PTPRD: variants seen among roughly 807,000 people sequenced by gnomAD.
The protein encoded by PTPRD is protein tyrosine phosphatase receptor type D.
In PTPRD, 34 loss-of-function variants were observed where a neutral mutation model predicts 214.5. That is an observed-to-expected ratio of 0.16 (90% CI 0.12 to 0.21). The LOEUF (loss-of-function observed/expected upper bound fraction) is 0.21, where lower values mean the gene tolerates loss of function less well. Ranked by LOEUF, PTPRD falls within the 10% of genes least tolerant of loss-of-function variation. The pLI is 1.00. For missense variants in PTPRD, 2,545 were observed against 2,398.7 expected (o/e 1.06, Z -1.27); for synonymous variants, 1,128 against 845.7 (o/e 1.33, Z -5.79).
intron 39 of PTPRD, among the ~76,000 whole-genome samples, chr9:8,363,692 C>A (rs948958934): frequency 2.6e-5 from 4 of 152,150 alleles, no homozygotes; most frequent in African/African-American, 9.7e-5. Flanking sequence ...TGCAGGCTGA[C>A]CAATGTCCTA....
intron 5 of PTPRD, among the ~76,000 whole-genome samples, chr9:9,849,513 A>G (rs1317292739): frequency 6.6e-6 from 1 of 152,080 alleles, no homozygotes; most frequent in Non-Finnish European, 1.5e-5. Flanking sequence ...TGGTGATGCT[A>G]TTGTCCATTC....
intron 5 of PTPRD, among the ~76,000 whole-genome samples, chr9:9,889,636 T>C (rs2072457949): frequency 6.6e-6 from 1 of 152,140 alleles, no homozygotes; most frequent in Non-Finnish European, 1.5e-5. Flanking sequence ...TTGCCTGTTC[T>C]GTGACAAAGT....
intron 9 of PTPRD, among the ~76,000 whole-genome samples, chr9:9,250,614 C>T (rs994357101): frequency 3.3e-5 from 5 of 152,062 alleles, no homozygotes; most frequent in African/African-American, 1.2e-4. Context: ...CTCATATGCA[C>T]TAAACTGATA....
intron 10 of PTPRD, among the ~76,000 whole-genome samples, chr9:9,115,203 G>A (rs1033135422): frequency 1.3e-5 from 2 of 152,176 alleles, no homozygotes; most frequent in African/African-American, 4.8e-5. Context: ...GAAGCCTACA[G>A]GGCAGGGAAG....
intron 3 of PTPRD, among the ~76,000 whole-genome samples, chr9:10,313,979 G>T (rs543564348): frequency 1.3e-5 from 2 of 152,026 alleles, no homozygotes; most frequent in South Asian, 4.1e-4. Context: ...GGAGGTAGTG[G>T]TCTTTAAGCT....
chr9:9,234,858 C>G (rs1335487706), intron 9 of PTPRD, among the ~76,000 whole-genome samples: 5 of 152,190 alleles, frequency 3.3e-5, no homozygotes, highest in Admixed American at 6.5e-5. Context: ...TCCAGACTTT[C>G]CTACATCTTC....
Position 8,582,129 on chromosome 9 carries a change from G to A in PTPRD, c.352+51188C>T, listed in dbSNP as rs573294397. On this transcript the variant is annotated intron_variant, in intron 14 of 45. Coordinates refer to ENST00000381196, the MANE Select transcript of PTPRD (RefSeq NM_002839.4). Reference sequence around the variant, plus strand: ...AAATCAGAAAAAAGCTCGGACATAAGTAGGGAAATCTGCTATGAGACAGAG... The same window carrying A: ...AAATCAGAAAAAAGCTCGGACATAAATAGGGAAATCTGCTATGAGACAGAG... 1.1e-4 allele frequency among the ~76,000 whole-genome samples: 16 copies of A among 152,248 alleles called. No homozygotes were observed. In the South Asian group the frequency reaches 1.7e-3, roughly 16 times the overall value.
intron 12 of PTPRD, among the ~76,000 whole-genome samples, chr9:8,720,426 AT>A (rs1205753014): frequency 6.6e-6 from 1 of 152,232 alleles, no homozygotes; most frequent in Non-Finnish European, 1.5e-5. Flanking sequence ...ACTAACCCAC[AT>A]TCAAGGAGTG....
chr9:9,887,091 T>C (rs1311465254), intron 5 of PTPRD, among the ~76,000 whole-genome samples: 1 of 152,096 alleles, frequency 6.6e-6, no homozygotes, highest in Non-Finnish European at 1.5e-5. Context: ...AAGTCCCTTC[T>C]CCCATACCTT....
At chr9:8,905,993 T>G (rs908435150) in intron 11 of PTPRD, among the ~76,000 whole-genome samples, 2 of 152,214 alleles carry the variant, frequency 1.3e-5, no homozygotes, top group African/African-American at 4.8e-5. Flanking sequence ...TAGTCTTAAG[T>G]GAGCATAGTT....
chr9:9,685,806 T>C (rs946132518), intron 7 of PTPRD, among the ~76,000 whole-genome samples: 3 of 151,430 alleles, frequency 2.0e-5, no homozygotes, highest in South Asian at 2.1e-4. Flanking sequence ...AAATATTCTA[T>C]TTCTTTTTTA....
chr9:9,175,021 C>G (rs1477682286), intron 10 of PTPRD, among the ~76,000 whole-genome samples: 2 of 152,156 alleles, frequency 1.3e-5, no homozygotes, highest in East Asian at 3.9e-4. Flanking sequence ...CCCCTTTCCA[C>G]TATATGACAT....
chr9:9,235,603 G>A (rs997781770), intron 9 of PTPRD, among the ~76,000 whole-genome samples: 2 of 151,926 alleles, frequency 1.3e-5, no homozygotes, highest in South Asian at 2.1e-4. Context: ...ACTGTTTCTG[G>A]TGTCCAATAA....
At chr9:9,624,846 G>A (rs2095367294) in intron 7 of PTPRD, among the ~76,000 whole-genome samples, 1 of 148,508 alleles carries the variant, frequency 6.7e-6, no homozygotes, top group East Asian at 2.0e-4. Context: ...AAAAAAAAGT[G>A]GGGGTTTTAG....
intron 11 of PTPRD, among the ~76,000 whole-genome samples, chr9:8,991,129 G>A (rs955285096): frequency 3.3e-5 from 5 of 150,730 alleles, no homozygotes; most frequent in African/African-American, 1.2e-4. Context: ...TGAGGCAGGA[G>A]AATCACTTGA....
At chr9:10,117,611 C>CTTTT (rs1278847805) in intron 3 of PTPRD, among the ~76,000 whole-genome samples, 3 of 63,064 alleles carry the variant, frequency 4.8e-5, no homozygotes, top group Admixed American at 3.2e-4. Context: ...TAAATCTCCC[C>CTTTT]GTTTTTTTTT....
chr9:8,852,265 G>C, intron 11 of PTPRD, among the ~76,000 whole-genome samples: 1 of 152,100 alleles, frequency 6.6e-6, no homozygotes. Flanking sequence ...AAAAGAAAAA[G>C]AAAAAGACAA....
chr9:9,413,638 G>A (rs2076182593), intron 8 of PTPRD, among the ~76,000 whole-genome samples: 1 of 152,102 alleles, frequency 6.6e-6, no homozygotes, highest in African/African-American at 2.4e-5. Flanking sequence ...TCACCTATTT[G>A]TTTATCAGCT....
chr9:9,741,576 G>A (rs947248502), intron 6 of PTPRD, among the ~76,000 whole-genome samples: 2 of 152,042 alleles, frequency 1.3e-5, no homozygotes, highest in African/African-American at 4.8e-5. Flanking sequence ...ATCTACATTA[G>A]GTATTTCTCC....
Sources: allele counts gnomAD v4.1 joint callset (sites outside exome capture counted in the v4.1 genomes callset), GRCh38; gene constraint gnomAD v4.1.1; transcripts MANE v1.5; gene names NCBI Gene and HGNC (gene_info 2026-07-23, HGNC 2026-07-21).